Variants in RECK observed in about 807,000 individuals in gnomAD.
The protein encoded by RECK is reversion inducing cysteine rich protein with kazal motifs, also known as reversion-inducing cysteine-rich protein with Kazal motifs.
In RECK, 69 loss-of-function variants were observed where a neutral mutation model predicts 115.1. That is an observed-to-expected ratio of 0.60 (90% confidence interval 0.49 to 0.73). The LOEUF (loss-of-function observed/expected upper bound fraction) is 0.73, where lower values mean the gene tolerates loss of function less well. Ranked by LOEUF, RECK falls within the 30% of genes least tolerant of loss-of-function variation. RECK has a pLI of 0.00. For synonymous variants in RECK, 414 were observed against 419.7 expected (o/e 0.99, Z 0.17); for missense variants, 1,047 against 1,203.7 (o/e 0.87, Z 1.93).
chr9:36,121,619 A>G lies in RECK; in HGVS notation c.2625A>G (p.Gly875=). Residue 875 remains glycine, a synonymous_variant, in exon 20 of 21, where the codon GGA becomes GGG. Transcript: ENST00000377966. ...CTGTCCCACAGTGTGATGTGTTTGG[A>G]TACTTCAGCATTGAATCAGAAATTG... ...HVSVPQCDVF[G]YFSIESEIVI... The G allele has an allele frequency of 6.2e-7, 1 of 1,614,224 alleles. No individual in the cohort carries two copies. The highest frequency in any genetic ancestry group is 8.5e-7 in the Non-Finnish European group (1 of 1,180,022).
At chr9:36,045,781 G>T (rs531801191) in intron 1 of RECK, among the ~76,000 whole-genome samples, 1 of 151,930 alleles carries the variant, frequency 6.6e-6, no homozygotes. Flanking sequence ...TAGAAGCTGC[G>T]TTTTTCTGCA....
At chr9:36,105,952 G>A (rs11792878) in intron 13 of RECK, among the ~76,000 whole-genome samples, 2 of 152,104 alleles carry the variant, frequency 1.3e-5, no homozygotes, top group East Asian at 1.9e-4. Context: ...AGTGGCTCAC[G>A]CCTGTAATCG....
intron 6 of RECK, among the ~76,000 whole-genome samples, chr9:36,073,249 C>T (rs947983793): frequency 6.8e-6 from 1 of 146,884 alleles, no homozygotes. Context: ...CAGACACACA[C>T]ACACACACAC....
intron 2 of RECK, among the ~76,000 whole-genome samples, chr9:36,057,981 A>G (rs12347190): frequency 0.087 from 13,184 of 151,396 alleles, 702 homozygotes; most frequent in East Asian, 0.29. Context: ...TAGAATGGCA[A>G]TCATTAAAAA....
intron 6 of RECK, among the ~76,000 whole-genome samples, chr9:36,077,797 C>G (rs1310043056): frequency 1.3e-5 from 2 of 152,138 alleles, no homozygotes; most frequent in Non-Finnish European, 2.9e-5. Flanking sequence ...TTTCCTTTTT[C>G]TTCAGGTATT....
chr9:36,109,679 AC>A (rs1823957220), intron 14 of RECK, among the ~76,000 whole-genome samples: 1 of 152,098 alleles, frequency 6.6e-6, no homozygotes, highest in African/African-American at 2.4e-5. Flanking sequence ...CCCTGTCTCT[AC>A]AAAAAATACA....
chr9:36,058,589 A>G (rs1402927452), intron 2 of RECK, among the ~76,000 whole-genome samples: 44 of 149,210 alleles, frequency 2.9e-4, no homozygotes, highest in Non-Finnish European at 2.5e-4. Context: ...CCAGCATGGC[A>G]CATGTATACA....
chr9:36,100,549 T>C lies in RECK; in HGVS notation c.1298+6T>C. ...CGGGGAAGTATTATTTGCAAGTAAG[T>C]TTCTTTCATCCTAACGATTCTCCAG... On this transcript the variant is annotated splice_donor_region_variant and intron_variant, in intron 11 of 20. Coordinates refer to ENST00000377966, the MANE Select transcript of RECK (RefSeq NM_021111.3). 2 of 1,604,192 alleles carry C rather than the reference T, an allele frequency of 1.2e-6. No individual in the cohort carries two copies. Among genetic ancestry groups the C allele is most frequent in the Non-Finnish European group, 1.7e-6 (2 of 1,171,746 alleles).
At chr9:36,077,212 T>C (rs1182679153) in intron 6 of RECK, among the ~76,000 whole-genome samples, 1 of 152,106 alleles carries the variant, frequency 6.6e-6, no homozygotes, top group East Asian at 1.9e-4. Context: ...AGAGGCTCCA[T>C]AGGAGTGAAT....
At chr9:36,063,141 A>T (rs987040183) in intron 4 of RECK, among the ~76,000 whole-genome samples, 1 of 152,132 alleles carries the variant, frequency 6.6e-6, no homozygotes, top group African/African-American at 2.4e-5. Flanking sequence ...TCTCAAAAAA[A>T]AAATTAGAAC....
At chr9:36,073,563 ATTT>A (rs1259833540) in intron 6 of RECK, among the ~76,000 whole-genome samples, 4 of 151,930 alleles carry the variant, frequency 2.6e-5, no homozygotes, top group African/African-American at 9.7e-5. Context: ...CCTGTGTCTA[ATTT>A]CTCCTCTTAT....
At position 36,123,158 on chromosome 9, in the gene RECK, T is replaced by C; in HGVS notation, c.*113T>C. 1 of 740,820 alleles carries C rather than the reference T, an allele frequency of 1.3e-6. No individual in the cohort carries two copies. The highest frequency in any genetic ancestry group is 2.2e-6 in the Non-Finnish European group (1 of 455,248). 45.9% of individuals were successfully genotyped at this position (740,820 alleles called of 1,614,324 possible). A position where few individuals can be genotyped will look rare whatever the true frequency, so the allele number is the denominator to read the frequency against. ...TGGCCAAGGAAAGGCACATGTCACC[T>C]CTATTCGCCACACAGTATTTTTTTT... On this transcript the variant is annotated 3_prime_UTR_variant, in exon 21 of 21. Coordinates refer to ENST00000377966, the MANE Select transcript of RECK (RefSeq NM_021111.3).
intron 2 of RECK, chr9:36,057,126 C>T (rs1336313892): frequency 5.2e-6 from 2 of 386,042 alleles, no homozygotes; most frequent in East Asian, 3.3e-4. Flanking sequence ...GGTGAGTGAA[C>T]CTTTGTCAGC....
chr9:36,081,728 A>G (rs1029907885), intron 7 of RECK, among the ~76,000 whole-genome samples: 9 of 151,574 alleles, frequency 5.9e-5, no homozygotes, highest in Non-Finnish European at 1.3e-4. Context: ...CAGCTACTAG[A>G]GAGGCTGAGG....
chr9:36,041,518 G>A (rs1015068645), intron 1 of RECK, among the ~76,000 whole-genome samples: 2 of 152,102 alleles, frequency 1.3e-5, no homozygotes, highest in African/African-American at 4.8e-5. Flanking sequence ...TTGACTCTAA[G>A]GAACAAAACC....
intron 16 of RECK, among the ~76,000 whole-genome samples, chr9:36,116,666 C>T (rs1483927499): frequency 6.6e-6 from 1 of 152,340 alleles, no homozygotes; most frequent in African/African-American, 2.4e-5. Flanking sequence ...CATGGCTGCT[C>T]TCTCAGCCTG....
intron 11 of RECK, 110 bp from the exon 12 acceptor site, chr9:36,101,984 G>T: frequency 9.6e-7 from 1 of 1,043,972 alleles, no homozygotes; most frequent in South Asian, 1.6e-5. Context: ...TTTGAAACAT[G>T]TTAAGTTATG....
chr9:36,061,437 C>CACACACACACACACAG (rs1445280737), intron 4 of RECK, among the ~76,000 whole-genome samples: 1 of 149,998 alleles, frequency 6.7e-6, no homozygotes, highest in Non-Finnish European at 1.5e-5. Flanking sequence ...CACACACACA[C>CACACACACACACACAG]AGTTGCTAAC....
At chr9:36,050,621 C>T (rs1274206153) in intron 1 of RECK, among the ~76,000 whole-genome samples, 2 of 152,144 alleles carry the variant, frequency 1.3e-5, no homozygotes, top group Non-Finnish European at 2.9e-5. Flanking sequence ...GCTCAAAACC[C>T]GTGGGTGGTT....
Sources: gnomAD v4.1 joint callset for allele counts (sites outside exome capture counted in the v4.1 genomes callset) on GRCh38, gnomAD v4.1.1 for gene constraint, MANE v1.5 for transcripts, NCBI Gene and HGNC (gene_info 2026-07-23, HGNC 2026-07-21) for gene names.